The following MAN1A2 variants were observed in gnomAD, a reference collection of about 807,000 sequenced individuals.
MAN1A2 encodes the protein mannosidase alpha class 1A member 2.
MAN1A2 carries 26 observed loss-of-function variants against 75.7 expected under a neutral mutation model. The observed-to-expected ratio is 0.34, with a 90% CI of 0.25 to 0.48. MAN1A2 has a LOEUF of 0.48. Ranked by LOEUF, MAN1A2 falls within the 20% of genes least tolerant of loss-of-function variation. The pLI is 0.99. For synonymous variants in MAN1A2, 247 were observed against 264.6 expected (o/e 0.93, Z 0.65); for missense variants, 562 against 775.5 (o/e 0.72, Z 3.27).
Position 117,470,674 on chromosome 1 carries a change from T to C in MAN1A2, c.1168+4247T>C, listed in dbSNP as rs138728281. Among the ~76,000 whole-genome samples the C allele has an allele frequency of 7.1e-4, 108 of 152,122 alleles. 1 individual carries two copies. The highest frequency in any genetic ancestry group is 2.6e-3 in the African/African-American group (107 of 41,566). Reference sequence around the variant, plus strand: ...AAAATCCTAGCGAGCTGCCCTGATATCCTTTTAGCAGCTGTAGTCCTTACA... The same window carrying C: ...AAAATCCTAGCGAGCTGCCCTGATACCCTTTTAGCAGCTGTAGTCCTTACA... On this transcript the variant is annotated intron_variant, in intron 8 of 12. Coordinates refer to ENST00000356554, the MANE Select transcript of MAN1A2 (RefSeq NM_006699.5).
chr1:117,525,210 AC>A lies in MAN1A2; in HGVS notation c.*2254del. 2.1e-6 allele frequency: 1 copy of A among 487,122 alleles called. No homozygotes were observed. The highest frequency in any genetic ancestry group is 4.3e-6 in the Non-Finnish European group (1 of 234,996). 30.2% of individuals were successfully genotyped at this position (487,122 alleles called of 1,614,324 possible). ...ACAAGCAGAGCCAGTTCTGGTACAA[AC>A]AAAGAATTTGACAGGGACAATGGAA... On this transcript the variant is annotated 3_prime_UTR_variant, in exon 13 of 13. Transcript: ENST00000356554.
intron 8 of MAN1A2, among the ~76,000 whole-genome samples, chr1:117,484,759 A>G (rs1056477548): frequency 6.6e-6 from 1 of 151,980 alleles, no homozygotes; most frequent in Non-Finnish European, 1.5e-5. Flanking sequence ...ATGTCTGTGT[A>G]TATGTAAGTT....
intron 11 of MAN1A2, among the ~76,000 whole-genome samples, chr1:117,500,757 G>A (rs1651175642): frequency 6.6e-6 from 1 of 151,870 alleles, no homozygotes; most frequent in African/African-American, 2.4e-5. Flanking sequence ...ACAGCTACTA[G>A]TGAAATTCTC....
chr1:117,413,313 T>C (rs187821497), intron 3 of MAN1A2, among the ~76,000 whole-genome samples: 5 of 151,938 alleles, frequency 3.3e-5, no homozygotes. Flanking sequence ...AACAAGAAAA[T>C]GGCATGTAAA....
chr1:117,445,788 A>G (rs1478955446), intron 6 of MAN1A2, among the ~76,000 whole-genome samples: 1 of 150,348 alleles, frequency 6.7e-6, no homozygotes, highest in East Asian at 2.0e-4. Flanking sequence ...TGGCCTCCCA[A>G]GGTGCTAGGA....
At chr1:117,511,010 T>A (rs1400316152) in intron 12 of MAN1A2, among the ~76,000 whole-genome samples, 1 of 152,050 alleles carries the variant, frequency 6.6e-6, no homozygotes, top group Non-Finnish European at 1.5e-5. Flanking sequence ...GGGTAATTTA[T>A]GAAGAAAAGA....
intron 8 of MAN1A2, among the ~76,000 whole-genome samples, chr1:117,489,081 AT>A (rs1650799942): frequency 6.6e-6 from 1 of 151,968 alleles, no homozygotes. Context: ...TGGATTATAG[AT>A]TCACCCTGAT....
chr1:117,420,537 A>C, intron 4 of MAN1A2, 32 bp from the exon 5 acceptor site: 1 of 1,454,872 alleles, frequency 6.9e-7, no homozygotes, highest in Non-Finnish European at 9.7e-7. Context: ...AGCATTACGT[A>C]TTTGTGAATG....
intron 12 of MAN1A2, among the ~76,000 whole-genome samples, chr1:117,513,626 CTAT>C (rs987794316): frequency 4.6e-5 from 7 of 151,534 alleles, no homozygotes; most frequent in Admixed American, 2.0e-4. Flanking sequence ...ATCTAATTTA[CTAT>C]TATTAAATAA....
chr1:117,485,548 G>C (rs1361428119), intron 8 of MAN1A2, among the ~76,000 whole-genome samples: 1 of 151,898 alleles, frequency 6.6e-6, no homozygotes, highest in Non-Finnish European at 1.5e-5. Flanking sequence ...AAAGGTAACT[G>C]ATGGAATCCC....
intron 3 of MAN1A2, among the ~76,000 whole-genome samples, chr1:117,412,938 C>A (rs910406900): frequency 6.6e-6 from 1 of 151,728 alleles, no homozygotes; most frequent in African/African-American, 2.4e-5. Flanking sequence ...AAATAAATAA[C>A]TAGGTAACTG....
rs1647455168 is a variant in MAN1A2 at position 117,402,194 on chromosome 1, A to G, written c.311A>G (p.Glu104Gly). 5 of 1,608,382 alleles carry G rather than the reference A, an allele frequency of 3.1e-6. No homozygotes were observed. Among genetic ancestry groups the G allele is most frequent in the Admixed American group, 1.7e-5 (1 of 58,998 alleles). ...TCCTTCTTTTCTCACAGGGAAGAGG[A>G]AGAACGTCTGAGAAATAAAATTCGA... ...GPDEHRHREE[E>G]ERLRNKIRAD... Residue 104 changes from glutamate to glycine, a missense_variant, in exon 2 of 13, where the codon GAA (glutamate) becomes GGA (glycine). Glu to Gly is a moderately conservative substitution (Grantham distance 98). Around this residue, in one of 2 missense-constraint regions of MAN1A2, gnomAD observed 128 missense variants for 129.8 expected, o/e 0.99. Coordinates refer to ENST00000356554, the MANE Select transcript of MAN1A2 (RefSeq NM_006699.5).
intron 5 of MAN1A2, among the ~76,000 whole-genome samples, chr1:117,440,443 C>T (rs564753271): frequency 3.4e-4 from 52 of 152,196 alleles, no homozygotes; most frequent in Middle Eastern, 3.4e-3. Context: ...GCATTGCATA[C>T]TGAAAACTAA....
In MAN1A2 at chr1:117,526,870, CTCTCTCTCTCTATATATA is replaced by C. The variant is rs1472579237; in HGVS notation, c.*3915_*3932del. On this transcript the variant is annotated 3_prime_UTR_variant, in exon 13 of 13. Coordinates refer to ENST00000356554, the MANE Select transcript of MAN1A2 (RefSeq NM_006699.5). ...TCTCTCTCTCTCTCTCTCTCTCTCTCTCTCTCTCTCTATATATATATATATATATATATATATATGAGA... is the reference window on the plus strand; with the variant it reads ...TCTCTCTCTCTCTCTCTCTCTCTCTCTATATATATATATATATATATGAGA... The C allele has an allele frequency of 2.1e-4, 19 of 90,168 alleles. No individual in the cohort carries two copies. Among genetic ancestry groups the C allele is most frequent in the Admixed American group, 1.6e-3 (13 of 8,026 alleles). The allele number at this position is 90,168 out of a possible 1,614,324, so 5.6% of individuals were successfully genotyped here. A position where few individuals can be genotyped will look rare whatever the true frequency, so the allele number is the denominator to read the frequency against.
chr1:117,394,272 C>T (rs1035971859), intron 1 of MAN1A2, among the ~76,000 whole-genome samples: 6 of 151,982 alleles, frequency 3.9e-5, no homozygotes, highest in Non-Finnish European at 7.4e-5. Context: ...TCAGTAGAGA[C>T]GGGGTTTCAC....
intron 5 of MAN1A2, among the ~76,000 whole-genome samples, chr1:117,425,684 A>G (rs1648345772): frequency 6.6e-6 from 1 of 152,230 alleles, no homozygotes; most frequent in South Asian, 2.1e-4. Context: ...AACTAGAAGT[A>G]GAAGGGACCT....
chr1:117,484,843 CAT>C lies in MAN1A2; in HGVS notation c.1169-8301_1169-8300del, dbSNP rs575509225. Among the ~76,000 whole-genome samples, 370 of 152,024 alleles carry C rather than the reference CAT, an allele frequency of 2.4e-3. 5 individuals carry two copies. Among genetic ancestry groups the C allele is most frequent in the African/African-American group, 8.3e-3 (343 of 41,534 alleles). ...ATGGTAAAATAGACTAGTATCTACA[CAT>C]ATGTTATTCATTCGTGACACACTCA... On this transcript the variant is annotated intron_variant, in intron 8 of 12. Coordinates refer to ENST00000356554, the MANE Select transcript of MAN1A2 (RefSeq NM_006699.5).
At chr1:117,484,400 T>G (rs1013179459) in intron 8 of MAN1A2, among the ~76,000 whole-genome samples, 4 of 151,992 alleles carry the variant, frequency 2.6e-5, no homozygotes, top group African/African-American at 7.2e-5. Context: ...ATCATGACTT[T>G]TCGCTGCTTC....
At chr1:117,453,366 A>C (rs761556548) in intron 6 of MAN1A2, among the ~76,000 whole-genome samples, 10 of 152,216 alleles carry the variant, frequency 6.6e-5, no homozygotes, top group Non-Finnish European at 1.3e-4. Context: ...AGGAGTCACT[A>C]TTCTAGATGC....
Sources: allele counts gnomAD v4.1 joint callset (sites outside exome capture counted in the v4.1 genomes callset), GRCh38; gene constraint gnomAD v4.1.1; regional missense constraint gnomAD v4.1.1; transcripts MANE v1.5; gene names NCBI Gene and HGNC (gene_info 2026-07-23, HGNC 2026-07-21).